The following PSMD3 variants were observed in gnomAD, a reference collection of about 807,000 sequenced individuals.
The protein encoded by PSMD3 is proteasome 26S subunit, non-ATPase 3.
A neutral mutation model predicts 62.8 loss-of-function variants in PSMD3; 5 were observed. The observed-to-expected ratio is 0.08, with a 90% CI of 0.04 to 0.17. The LOEUF (loss-of-function observed/expected upper bound fraction) is 0.17, where lower values mean the gene tolerates loss of function less well. PSMD3 is among the 10% of genes least tolerant of loss of function. The pLI, the probability that PSMD3 is intolerant of heterozygous loss-of-function variation, is 1.00. For missense variants in PSMD3, 524 were observed against 713.6 expected, an observed-to-expected ratio of 0.73 and a Z score of 3.03; for synonymous variants, 265 against 283.9, an observed-to-expected ratio of 0.93 and a Z score of 0.67.
chr17:39,990,543 G>A (rs1980630981), intron 6 of PSMD3, among the ~76,000 whole-genome samples: 1 of 152,032 alleles, frequency 6.6e-6, no homozygotes, highest in African/African-American at 2.4e-5. Context: ...GCAATCCTTC[G>A]GCCTCTGCCT....
At chr17:39,986,982 A>G (rs966723174) in intron 3 of PSMD3, among the ~76,000 whole-genome samples, 1 of 152,172 alleles carries the variant, frequency 6.6e-6, no homozygotes, top group African/African-American at 2.4e-5. Flanking sequence ...AAGTAGGGGC[A>G]TTTGGAGACA....
chr17:39,988,551 C>A, intron 3 of PSMD3, 132 bp from the exon 4 acceptor site: 1 of 1,069,298 alleles, frequency 9.4e-7, no homozygotes, highest in Non-Finnish European at 1.3e-6. Context: ...CGTGTACATG[C>A]TTTTATGTGA....
Position 39,997,645 on chromosome 17 carries a change from G to T in PSMD3, c.*64G>T. On this transcript the variant is annotated 3_prime_UTR_variant, in exon 12 of 12. Coordinates refer to ENST00000264639, the MANE Select transcript of PSMD3 (RefSeq NM_002809.4). Reference sequence around the variant, plus strand: ...GCTCTTTCCCCCTTGGGGGTCCCCTGCCCAGGGCACTGTCCCCATTTTCCC... The same window carrying T: ...GCTCTTTCCCCCTTGGGGGTCCCCTTCCCAGGGCACTGTCCCCATTTTCCC... The T allele has an allele frequency of 1.3e-6, 2 of 1,546,284 alleles. No individual in the cohort carries two copies. The highest frequency in any genetic ancestry group is 1.8e-6 in the Non-Finnish European group (2 of 1,127,916).
At chr17:39,989,120 T>C (rs1271361978) in intron 4 of PSMD3, among the ~76,000 whole-genome samples, 1 of 152,150 alleles carries the variant, frequency 6.6e-6, no homozygotes, top group Non-Finnish European at 1.5e-5. Flanking sequence ...ATTTTACTTC[T>C]TTGCTCAAAA....
chr17:39,990,677 C>T (rs949217759), intron 6 of PSMD3, among the ~76,000 whole-genome samples: 1 of 152,142 alleles, frequency 6.6e-6, no homozygotes, highest in African/African-American at 2.4e-5. Flanking sequence ...CAGAGTGTTT[C>T]TGGCAGATAG....
intron 6 of PSMD3, chr17:39,993,102 A>G (rs1980699331): frequency 6.6e-6 from 1 of 152,194 alleles, no homozygotes; most frequent in African/African-American, 2.4e-5. Flanking sequence ...TCCAACAGCA[A>G]AGTGTGACAC....
chr17:39,988,216 G>A (rs1442221614), intron 3 of PSMD3, among the ~76,000 whole-genome samples: 1 of 152,138 alleles, frequency 6.6e-6, no homozygotes, highest in Non-Finnish European at 1.5e-5. Context: ...AACACCATAC[G>A]TATTAGTAGT....
intron 1 of PSMD3, among the ~76,000 whole-genome samples, chr17:39,981,414 A>T (rs947263246): frequency 6.6e-6 from 1 of 152,034 alleles, no homozygotes; most frequent in Non-Finnish European, 1.5e-5. Flanking sequence ...CCATCCCCAT[A>T]TCTGGGGTTG....
At position 39,984,893 on chromosome 17, in the gene PSMD3, T is replaced by A. The variant is rs1379726407; in HGVS notation, c.411+409T>A. Among the ~76,000 whole-genome samples the A allele has an allele frequency of 3.9e-5, 6 of 152,180 alleles. No individual in the cohort carries two copies. The East Asian group carries it at 7.7e-4, about 20-fold the overall frequency. On this transcript the variant is annotated intron_variant, in intron 2 of 11. Coordinates refer to ENST00000264639, the MANE Select transcript of PSMD3 (RefSeq NM_002809.4). ...AGGGCCAGGCACAGTGGCTCACACC[T>A]GTCTTCCCAGCACTTTGGGAGGCTG...
chr17:39,982,939 G>GAAA (rs1980422771), intron 1 of PSMD3, among the ~76,000 whole-genome samples: 1 of 152,222 alleles, frequency 6.6e-6, no homozygotes, highest in South Asian at 2.1e-4. Flanking sequence ...AGTTTAAAAG[G>GAAA]CTGAACATTT....
chr17:39,995,583 G>A lies in PSMD3; in HGVS notation c.1320+56G>A. ...GGTTGTCACTTTCCTGCCAATCTCA[G>A]GAGGCAGGAGTGGGAGGAGTTTGGC... is the stretch of plus-strand genomic sequence containing the variant. On this transcript the variant is annotated intron_variant, in intron 9 of 11. Coordinates refer to ENST00000264639, the MANE Select transcript of PSMD3 (RefSeq NM_002809.4). This position sits in a 1 kb window ranked among gnomAD's most constrained non-coding sequence, Gnocchi z 4.1. 4 of 1,519,220 alleles carry A rather than the reference G, an allele frequency of 2.6e-6. No homozygotes were observed. Among genetic ancestry groups the A allele is most frequent in the Non-Finnish European group, 3.7e-6 (4 of 1,094,852 alleles). The allele number at this position is 1,519,220 out of a possible 1,614,324, so 94.1% of individuals were successfully genotyped here. A position where few individuals can be genotyped will look rare whatever the true frequency, so the allele number is the denominator to read the frequency against.
intron 1 of PSMD3, among the ~76,000 whole-genome samples, chr17:39,983,927 C>T (rs947657916): frequency 6.6e-5 from 10 of 151,758 alleles, no homozygotes; most frequent in Non-Finnish European, 1.2e-4. Flanking sequence ...CTGGCCGGCA[C>T]GGTGGCTCAC....
intron 3 of PSMD3, among the ~76,000 whole-genome samples, chr17:39,988,107 CAAAT>C (rs1169385686): frequency 9.8e-6 from 1 of 102,300 alleles, no homozygotes; most frequent in East Asian, 2.4e-4. Context: ...CTCCGTCAAA[CAAAT>C]AAATAAAGTA....
At position 39,988,835 on chromosome 17, in the gene PSMD3, C is replaced by G. The variant is rs9915252; in HGVS notation, c.686+16C>G. ...TGGTGCGCAGGTACAGGCAGCCAAG[C>G]ATCTCACTTGGGGTCCGTGGGGTCA... is the stretch of plus-strand genomic sequence containing the variant. On this transcript the variant is annotated intron_variant, in intron 4 of 11. Coordinates refer to ENST00000264639, the MANE Select transcript of PSMD3 (RefSeq NM_002809.4). 0.54 allele frequency: 873,815 copies of G among 1,611,562 alleles called. 238,915 individuals carry two copies. The highest frequency in any genetic ancestry group is 0.69 in the Middle Eastern group (3,801 of 5,470).
At position 39,996,663 on chromosome 17, in the gene PSMD3, C is replaced by T; in HGVS notation, c.1476+325C>T. On this transcript the variant is annotated intron_variant, in intron 10 of 11. Transcript: ENST00000264639. The surrounding 1 kb of genome is among the most constrained non-coding windows in gnomAD (Gnocchi z 5.1). ...AAGCTCTGTTTCTCCATCTCTGAAG[C>T]TGATAGGGAGGTGTTACCTGTCTTG... is the stretch of plus-strand genomic sequence containing the variant. The T allele has an allele frequency of 1.9e-6, 1 of 522,692 alleles. No homozygotes were observed. The highest frequency in any genetic ancestry group is 3.7e-6 in the Non-Finnish European group (1 of 271,290). The allele number at this position is 522,692 out of a possible 1,614,324, so 32.4% of individuals were successfully genotyped here.
intron 2 of PSMD3, among the ~76,000 whole-genome samples, chr17:39,985,673 A>G (rs1170387210): frequency 1.3e-5 from 2 of 152,242 alleles, no homozygotes; most frequent in African/African-American, 4.8e-5. Context: ...TGTCTGGGAA[A>G]GGGGAAAAGC....
In PSMD3 at chr17:39,989,858, A is replaced by G; in HGVS notation, c.806A>G (p.Lys269Arg). 1 of 1,614,178 alleles carries G rather than the reference A, an allele frequency of 6.2e-7. No homozygotes were observed. Among genetic ancestry groups the G allele is most frequent in the Non-Finnish European group, 8.5e-7 (1 of 1,180,026 alleles). Residue 269 changes from lysine to arginine, a missense_variant, in exon 5 of 12, where the codon AAG becomes AGG. Coordinates refer to ENST00000264639, the MANE Select transcript of PSMD3 (RefSeq NM_002809.4). ...TACAGCTTGTACGACCAGGCTGAGA[A>G]GCTGGTGTCCAAGTCTGTGTTCCCA... ...LHYSLYDQAE[K>R]LVSKSVFPEQ...
At position 39,996,238 on chromosome 17, in the gene PSMD3, A is replaced by C. The variant is rs769762281; in HGVS notation, c.1376A>C (p.Gln459Pro). 7 of 1,614,044 alleles carry C rather than the reference A, an allele frequency of 4.3e-6. No homozygotes were observed. The highest frequency in any genetic ancestry group is 5.9e-6 in the Non-Finnish European group (7 of 1,180,012). The change falls in exon 10 of 12, where the codon CAA becomes CCA. Residue 459 changes from glutamine (Q) to proline (P), a missense_variant. Gln to Pro is a moderately conservative substitution (Grantham distance 76, BLOSUM62 -1). Around this residue, in one of 4 missense-constraint regions of PSMD3, gnomAD observed 76 missense variants for 97.3 expected, o/e 0.78. Transcript: ENST00000264639. This position sits in a 1 kb window ranked among gnomAD's most constrained non-coding sequence, Gnocchi z 5.1. The part of the protein sequence containing the change: ...ASINHEKGYV[Q>P]SKEMIDIYST... ...ATCAACCACGAGAAGGGCTATGTCC[A>C]ATCCAAGGAGATGATTGACATCTAT...
In PSMD3 at chr17:39,984,413, T is replaced by C. The variant is rs78909252; in HGVS notation, c.340T>C (p.Tyr114His). 2,574 of 1,613,744 alleles carry C rather than the reference T, an allele frequency of 1.6e-3. 39 individuals carry two copies. In the African/African-American group the frequency reaches 0.029, roughly 18 times the overall value. The stretch of plus-strand genomic sequence containing the variant: ...ACGCCGCCTCAACCACTATGTTCTG[T>C]ATAAGGCTGTGCAGGGCTTCTTCAC... ...TSRRLNHYVL[Y>H]KAVQGFFTSN... Residue 114 changes from tyrosine to histidine, a missense_variant, in exon 2 of 12, where the codon TAT (tyrosine) becomes CAT (histidine). Around this residue, in one of 4 missense-constraint regions of PSMD3, gnomAD observed 396 missense variants for 475.8 expected, o/e 0.83. Transcript: ENST00000264639.
Sources: allele counts gnomAD v4.1 joint callset (sites outside exome capture counted in the v4.1 genomes callset), GRCh38; gene constraint gnomAD v4.1.1; regional missense constraint gnomAD v4.1.1; non-coding constraint Gnocchi (gnomAD v3.1); transcripts MANE v1.5; gene names NCBI Gene and HGNC (gene_info 2026-07-23, HGNC 2026-07-21).